The following KRT77 variants were observed in gnomAD, a reference collection of about 807,000 sequenced individuals.
KRT77 encodes the protein keratin 77, also known as keratin, type II cytoskeletal 1b.
In KRT77, 44 loss-of-function variants were observed where a neutral mutation model predicts 51.5. The observed-to-expected ratio is 0.85, with a 90% CI of 0.67 to 1.10. The LOEUF is 1.10. Among genes scored for constraint, KRT77 ranks in the 50% least tolerant of loss-of-function variants. The pLI is 0.00. For synonymous variants in KRT77, 293 were observed against 302.0 expected, an observed-to-expected ratio of 0.97 and a Z score of 0.31; for missense variants, 763 against 743.9, an observed-to-expected ratio of 1.03 and a Z score of -0.30.
intron 1 of KRT77, among the ~76,000 whole-genome samples, chr12:52,702,335 A>C (rs1395861012): frequency 6.6e-6 from 1 of 152,204 alleles, no homozygotes; most frequent in Non-Finnish European, 1.5e-5. Context: ...TTTGTGGGCT[A>C]GATGGGTGGA....
At chr12:52,696,588 G>A in intron 2 of KRT77, 158 bp from the exon 3 acceptor site, 1 of 655,040 alleles carries the variant, frequency 1.5e-6, no homozygotes, top group South Asian at 1.8e-5. Context: ...CCAGAGGCTG[G>A]CACTCTCATG....
intron 2 of KRT77, 85 bp from the exon 3 acceptor site, chr12:52,696,515 A>C (rs1941796966): frequency 5.3e-6 from 6 of 1,142,644 alleles, no homozygotes; most frequent in Non-Finnish European, 7.9e-6. Flanking sequence ...AAAGCTTGGA[A>C]TTCCCCAAAC....
At chr12:52,702,260 C>T in intron 1 of KRT77, among the ~76,000 whole-genome samples, 1 of 152,190 alleles carries the variant, frequency 6.6e-6, no homozygotes, top group Non-Finnish European at 1.5e-5. Context: ...GATGGCAGGA[C>T]CTGTGTCCTA....
At chr12:52,694,852 C>G in intron 4 of KRT77, 62 bp from the exon 5 acceptor site, 1 of 1,420,720 alleles carries the variant, frequency 7.0e-7, no homozygotes, top group Non-Finnish European at 9.4e-7. Flanking sequence ...CAGTTTTCCT[C>G]TGCTGCTCCC....
intron 1 of KRT77, among the ~76,000 whole-genome samples, chr12:52,701,805 G>A (rs962189967): frequency 6.6e-6 from 1 of 152,144 alleles, no homozygotes; most frequent in Non-Finnish European, 1.5e-5. Flanking sequence ...GAGCCAAAAG[G>A]GGAAACTCAG....
chr12:52,693,671 G>A (rs1941750646), intron 5 of KRT77: 1 of 150,956 alleles, frequency 6.6e-6, no homozygotes, highest in African/African-American at 2.4e-5. Context: ...ATCCAGGTCA[G>A]TTTATGGAAA....
Position 52,703,018 on chromosome 12 carries a change from C to A in KRT77, c.417G>T (p.Val139=), listed in dbSNP as rs1469775801. 4 of 1,613,952 alleles carry A rather than the reference C, an allele frequency of 2.5e-6. No individual in the cohort carries two copies. Among genetic ancestry groups the A allele is most frequent in the Non-Finnish European group, 3.4e-6 (4 of 1,180,010 alleles). ...GCTCTAGGAGGCTCTGGTTAATGGT[C>A]ACCTCTTGGATGCCCCCAGGAGGAC... The part of the protein sequence containing the change: ...PYCPPGGIQE[V]TINQSLLEPL... The change falls in exon 1 of 9, where the codon GTG becomes GTT. Residue 139 remains valine (V), a synonymous_variant. Transcript: ENST00000341809.
In KRT77 at chr12:52,691,089, A is replaced by G; in HGVS notation, c.*76T>C. ...TAAGAAAAGTGAATGAGAGGGGATC[A>G]GGAAGGGCGTGGAGGGGAGGAGTTT... On this transcript the variant is annotated 3_prime_UTR_variant, in exon 9 of 9. Coordinates refer to ENST00000341809, the MANE Select transcript of KRT77 (RefSeq NM_175078.3). 5 of 1,599,818 alleles carry G rather than the reference A, an allele frequency of 3.1e-6. No individual in the cohort carries two copies. Among genetic ancestry groups the G allele is most frequent in the Non-Finnish European group, 2.6e-6 (3 of 1,169,798 alleles).
rs777805186 is a variant in KRT77 at position 52,703,092 on chromosome 12, C to T, written c.343G>A (p.Ala115Thr). 4 of 1,613,462 alleles carry T rather than the reference C, an allele frequency of 2.5e-6. No individual in the cohort carries two copies. The highest frequency in any genetic ancestry group is 3.4e-6 in the Non-Finnish European group (4 of 1,179,594). Residue 115 changes from alanine (A) to threonine (T), a missense_variant, in exon 1 of 9, where the codon GCT becomes ACT. By Grantham distance (58) the Ala-to-Thr change is moderately conservative (BLOSUM62 0). Coordinates refer to ENST00000341809, the MANE Select transcript of KRT77 (RefSeq NM_175078.3). ...GGFGGGGFGG[A>T]GFGTSNFGLG... ...CCAAAATTGCTAGTCCCAAATCCAG[C>T]ACCCCCAAAACCACCTCCTCCAAAG...
intron 2 of KRT77, 142 bp downstream of exon 2, chr12:52,697,540 A>T: frequency 1.7e-6 from 1 of 594,202 alleles, no homozygotes; most frequent in Non-Finnish European, 3.1e-6. Flanking sequence ...CATACAAAAC[A>T]GTGCCTCCTG....
chr12:52,693,757 T>C (rs1001862973), intron 5 of KRT77: 5 of 151,070 alleles, frequency 3.3e-5, no homozygotes, highest in African/African-American at 1.2e-4. Context: ...AGTCTAACAA[T>C]ATAATACCAG....
At position 52,691,479 on chromosome 12, in the gene KRT77, G is replaced by A. The variant is rs779794919; in HGVS notation, c.1463-40C>T. ...CAGTGCACACGGGGTCAGAGGGACC[G>A]GGCAAGGCCCCCACCTGCACCCGCC... On this transcript the variant is annotated intron_variant, in intron 8 of 8. Coordinates refer to ENST00000341809, the MANE Select transcript of KRT77 (RefSeq NM_175078.3). 2.9e-5 allele frequency: 44 copies of A among 1,513,772 alleles called. 1 individual carries two copies. Among genetic ancestry groups the A allele is most frequent in the South Asian group, 2.6e-4 (20 of 76,398 alleles). The allele number at this position is 1,513,772 out of a possible 1,614,324, so 93.8% of individuals were successfully genotyped here. A position where few individuals can be genotyped will look rare whatever the true frequency, so the allele number is the denominator to read the frequency against.
In KRT77 at chr12:52,703,066, C is replaced by T. The variant is rs760779093; in HGVS notation, c.369G>A (p.Gly123=). 1 of 1,613,862 alleles carries T rather than the reference C, an allele frequency of 6.2e-7. No individual in the cohort carries two copies. Among genetic ancestry groups the T allele is most frequent in the Admixed American group, 1.7e-5 (1 of 59,986 alleles). ...GACAATAAGGACCAAAGCCCCCAAG[C>T]CCAAAATTGCTAGTCCCAAATCCAG... ...GGAGFGTSNF[G]LGGFGPYCPP... is the part of the protein sequence containing the mutation. The change falls in exon 1 of 9, where the codon GGG becomes GGA. Residue 123 remains glycine, a synonymous_variant. Transcript: ENST00000341809.
In KRT77 at chr12:52,691,444, G is replaced by A. The variant is rs1329363092; in HGVS notation, c.1463-5C>T. 1 of 1,578,796 alleles carries A rather than the reference G, an allele frequency of 6.3e-7. No individual in the cohort carries two copies. Among genetic ancestry groups the A allele is most frequent in the Non-Finnish European group, 8.6e-7 (1 of 1,168,284 alleles). ...TCACCTGGCTGTTCTGCACGGCTGTGGGTAGGGGACAGTGCACACGGGGTC... is the reference window on the plus strand; with the variant it reads ...TCACCTGGCTGTTCTGCACGGCTGTAGGTAGGGGACAGTGCACACGGGGTC... On this transcript the variant is annotated splice_polypyrimidine_tract_variant and splice_region_variant and intron_variant, in intron 8 of 8. Coordinates refer to ENST00000341809, the MANE Select transcript of KRT77 (RefSeq NM_175078.3).
At chr12:52,700,740 G>A (rs1336557609) in intron 1 of KRT77, among the ~76,000 whole-genome samples, 3 of 152,186 alleles carry the variant, frequency 2.0e-5, no homozygotes, top group African/African-American at 7.2e-5. Context: ...CAGCAGCTGC[G>A]GGTTGAAGGG....
At chr12:52,695,685 G>T in intron 4 of KRT77, 87 bp downstream of exon 4, 2 of 919,386 alleles carry the variant, frequency 2.2e-6, no homozygotes, top group Non-Finnish European at 3.5e-6. Context: ...GGACCCTAGT[G>T]TTGGGTTTCA....
chr12:52,694,430 G>C (rs890230762), intron 5 of KRT77, among the ~76,000 whole-genome samples, 196 bp downstream of exon 5: 29 of 152,282 alleles, frequency 1.9e-4, no homozygotes, highest in African/African-American at 6.5e-4. Context: ...GCCTAATAGC[G>C]ACAAAGAACT....
At position 52,697,845 on chromosome 12, in the gene KRT77, G is replaced by C; in HGVS notation, c.595C>G (p.Leu199Val). 6.2e-7 allele frequency: 1 copy of C among 1,614,064 alleles called. No individual in the cohort carries two copies. Among genetic ancestry groups the C allele is most frequent in the Non-Finnish European group, 8.5e-7 (1 of 1,179,990 alleles). Residue 199 changes from leucine (L) to valine (V), a missense_variant, in exon 2 of 9, where the codon CTG (leucine) becomes GTG (valine). Coordinates refer to ENST00000341809, the MANE Select transcript of KRT77 (RefSeq NM_175078.3). ...CCAGTTGAGGTGTTCACCTGCTGCA[G>C]CAACTCCCATTTTGTTTGTAGCACC... ...NQVLQTKWELLQQVNTSTGTN... is the reference protein window; with the variant it reads ...NQVLQTKWELVQQVNTSTGTN...
intron 1 of KRT77, among the ~76,000 whole-genome samples, chr12:52,698,781 C>T (rs539223737): frequency 9.8e-5 from 15 of 152,370 alleles, no homozygotes; most frequent in African/African-American, 3.4e-4. Flanking sequence ...AGCAGTGATG[C>T]TGCCTCCAGA....
Sources: allele counts gnomAD v4.1 joint callset (sites outside exome capture counted in the v4.1 genomes callset), GRCh38; gene constraint gnomAD v4.1.1; transcripts MANE v1.5; gene names NCBI Gene and HGNC (gene_info 2026-07-23, HGNC 2026-07-21).